The following GABPB1 variants were observed in gnomAD, a reference collection of about 807,000 sequenced individuals.
The protein encoded by GABPB1 is GA binding protein transcription factor subunit beta 1, also known as GA-binding protein subunit beta-1.
Under a neutral mutation model 45.9 loss-of-function variants are expected in GABPB1, and 15 were observed. That is an observed-to-expected ratio of 0.33 (90% CI 0.22 to 0.50). The LOEUF is 0.50. GABPB1 is among the 20% of genes least tolerant of loss of function. The pLI is 0.98. For synonymous variants in GABPB1, 143 were observed against 154.4 expected, an observed-to-expected ratio of 0.93 and a Z score of 0.55; for missense variants, 252 against 457.5, an observed-to-expected ratio of 0.55 and a Z score of 4.10.
intron 1 of GABPB1, among the ~76,000 whole-genome samples, chr15:50,317,705 T>C (rs898058399): frequency 2.0e-5 from 3 of 151,960 alleles, no homozygotes; most frequent in Non-Finnish European, 4.4e-5. Context: ...GTCAGGAGAT[T>C]GACACCATCC....
At chr15:50,324,315 T>G (rs1283023893) in intron 1 of GABPB1, among the ~76,000 whole-genome samples, 2 of 152,120 alleles carry the variant, frequency 1.3e-5, no homozygotes, top group Non-Finnish European at 2.9e-5. Context: ...CGACCTGCAT[T>G]CGTTGAGTGC....
rs1451649711 is a variant in GABPB1, at chr15:50,300,734, G to A, written c.697+55C>T. On this transcript the variant is annotated intron_variant, in intron 6 of 8. Transcript: ENST00000380877. ...TGCTAGGATTACAGGTGTGAGCCACGGCACCCAGCCTGAATCTGCAATTTT... is the reference window on the plus strand; with the variant it reads ...TGCTAGGATTACAGGTGTGAGCCACAGCACCCAGCCTGAATCTGCAATTTT... 2.3e-5 allele frequency: 25 copies of A among 1,110,874 alleles called. 1 individual carries two copies. Among genetic ancestry groups the A allele is most frequent in the South Asian group, 1.1e-4 (9 of 80,584 alleles). 68.8% of individuals were successfully genotyped at this position (1,110,874 alleles called of 1,614,324 possible). A position where few individuals can be genotyped will look rare whatever the true frequency, so the allele number is the denominator to read the frequency against.
At chr15:50,290,361 C>T (rs1470397988) in intron 6 of GABPB1, among the ~76,000 whole-genome samples, 1 of 151,974 alleles carries the variant, frequency 6.6e-6, no homozygotes, top group African/African-American at 2.4e-5. Flanking sequence ...GAGGCTGAGG[C>T]GGGAGGATCA....
chr15:50,340,689 A>G (rs1280598959), intron 1 of GABPB1, among the ~76,000 whole-genome samples: 2 of 151,570 alleles, frequency 1.3e-5, no homozygotes, highest in African/African-American at 4.8e-5. Flanking sequence ...GTATGCTATT[A>G]TTGTGTTTTA....
At chr15:50,281,407 T>A (rs889882736) in intron 8 of GABPB1, among the ~76,000 whole-genome samples, 1 of 152,136 alleles carries the variant, frequency 6.6e-6, no homozygotes, top group Non-Finnish European at 1.5e-5. Context: ...GAGACGGGGT[T>A]TCACCATGTT....
In GABPB1 at chr15:50,339,781, T is replaced by TACAC. The variant is rs148158592; in HGVS notation, c.-1+15200_-1+15203dup. ...ATCTAAAGTACATAAATTATACCCA[T>TACAC]ACACACTAAACTAAGAAGTAGTAAG... On this transcript the variant is annotated intron_variant, in intron 1 of 8. Transcript: ENST00000380877. 8.1e-4 allele frequency among the ~76,000 whole-genome samples: 123 copies of TACAC among 152,320 alleles called. 2 individuals are homozygous for TACAC. The East Asian group carries it at 0.022, about 27-fold the overall frequency.
In GABPB1 at chr15:50,276,623, AGAC is replaced by A. The variant is rs1412683695; in HGVS notation, c.*2006_*2008del. On this transcript the variant is annotated 3_prime_UTR_variant, in exon 9 of 9. Transcript: ENST00000380877. ...AGCAGGAGAGGAGACTGGAAGTCAAAGACGACATTAAGTTAGCTTTCACAAACT... is the reference window on the plus strand; with the variant it reads ...AGCAGGAGAGGAGACTGGAAGTCAAAGACATTAAGTTAGCTTTCACAAACT... The A allele has an allele frequency of 2.6e-5, 4 of 152,256 alleles. No homozygotes were observed. In the East Asian group the frequency reaches 5.8e-4, roughly 22 times the overall value. The allele number at this position is 152,256 out of a possible 1,614,324, so 9.4% of individuals were successfully genotyped here. A position where few individuals can be genotyped will look rare whatever the true frequency, so the allele number is the denominator to read the frequency against.
At chr15:50,346,331 C>T (rs1009180171) in intron 1 of GABPB1, 3 of 152,100 alleles carry the variant, frequency 2.0e-5, no homozygotes, top group Non-Finnish European at 2.9e-5. Context: ...AATTGTTCAG[C>T]GTAAATTTAT....
At chr15:50,343,181 G>A (rs1326871512) in intron 1 of GABPB1, among the ~76,000 whole-genome samples, 1 of 152,108 alleles carries the variant, frequency 6.6e-6, no homozygotes, top group Non-Finnish European at 1.5e-5. Context: ...TTACAGGCGT[G>A]AGCCACCGTG....
rs567261081 is a variant in GABPB1, at chr15:50,278,575, T to A, written c.*57A>T. 6.8e-7 allele frequency: 1 copy of A among 1,474,790 alleles called. No homozygotes were observed. The highest frequency in any genetic ancestry group is 9.4e-7 in the Non-Finnish European group (1 of 1,063,276). 91.4% of individuals were successfully genotyped at this position (1,474,790 alleles called of 1,614,324 possible). A position where few individuals can be genotyped will look rare whatever the true frequency, so the allele number is the denominator to read the frequency against. ...ATGGCTGTACCTTTGTTGTGTACAG[T>A]TCAAGATTGTATTCTTTCTTGACCA... On this transcript the variant is annotated 3_prime_UTR_variant, in exon 9 of 9. Transcript: ENST00000380877.
At chr15:50,285,833 T>A (rs2046134464) in intron 8 of GABPB1, 1 of 1,294,992 alleles carries the variant, frequency 7.7e-7, no homozygotes, top group Non-Finnish European at 9.8e-7. Flanking sequence ...GACATTCCAG[T>A]GTTATCAAGA....
chr15:50,288,662 T>C (rs1413807702), intron 7 of GABPB1, among the ~76,000 whole-genome samples: 1 of 152,156 alleles, frequency 6.6e-6, no homozygotes. Flanking sequence ...AAATGTGGAA[T>C]TCTGAGGTTT....
intron 6 of GABPB1, among the ~76,000 whole-genome samples, chr15:50,300,434 TGG>T (rs34277132): frequency 0.13 from 8,458 of 67,456 alleles, 2,307 homozygotes; most frequent in Middle Eastern, 0.14. Flanking sequence ...CAACTGTTTT[TGG>T]TTTTTTTTTT....
intron 1 of GABPB1, among the ~76,000 whole-genome samples, chr15:50,329,035 G>A (rs896133436): frequency 2.0e-5 from 3 of 152,014 alleles, no homozygotes; most frequent in Admixed American, 6.5e-5. Context: ...TCCCAATTTT[G>A]GCCAAGGAGA....
At chr15:50,351,002 G>A (rs1177328060) in intron 1 of GABPB1, 1 of 152,022 alleles carries the variant, frequency 6.6e-6, no homozygotes, top group Non-Finnish European at 1.5e-5. Context: ...CAAGGTCCTC[G>A]TTTATGCTCT....
At chr15:50,290,582 C>A (rs2046312626) in intron 6 of GABPB1, among the ~76,000 whole-genome samples, 1 of 149,794 alleles carries the variant, frequency 6.7e-6, no homozygotes, top group South Asian at 2.1e-4. Context: ...CAAAACAAGA[C>A]CCTGTCTCAA....
chr15:50,291,026 A>G (rs969232326), intron 6 of GABPB1, among the ~76,000 whole-genome samples: 3 of 152,262 alleles, frequency 2.0e-5, no homozygotes, highest in Non-Finnish European at 4.4e-5. Flanking sequence ...ATTCTTTGAT[A>G]ATAAATTAAC....
At chr15:50,323,007 C>A (rs1313537622) in intron 1 of GABPB1, among the ~76,000 whole-genome samples, 3 of 152,148 alleles carry the variant, frequency 2.0e-5, no homozygotes, top group African/African-American at 7.2e-5. Flanking sequence ...CCTGTCTGGG[C>A]AACAGGAGTG....
At chr15:50,299,121 G>C (rs1352075622) in intron 6 of GABPB1, among the ~76,000 whole-genome samples, 1 of 152,170 alleles carries the variant, frequency 6.6e-6, no homozygotes, top group East Asian at 1.9e-4. Flanking sequence ...CTAGCAGAGA[G>C]AGTAAGCATT....
Sources: gnomAD v4.1 joint callset for allele counts (sites outside exome capture counted in the v4.1 genomes callset) on GRCh38, gnomAD v4.1.1 for gene constraint, MANE v1.5 for transcripts, NCBI Gene and HGNC (gene_info 2026-07-23, HGNC 2026-07-21) for gene names.